Variants in RGS3 observed in about 807,000 individuals in gnomAD.
RGS3 encodes regulator of G protein signaling 3, also known as regulator of G-protein signalling 3.
A neutral mutation model predicts 132.6 loss-of-function variants in RGS3; 80 were observed. The ratio of observed to expected loss-of-function variants is 0.60; its 90% CI spans 0.50 to 0.73. RGS3 has a LOEUF of 0.73. Ranked by LOEUF, RGS3 falls within the 30% of genes least tolerant of loss-of-function variation. The pLI, the probability that RGS3 is intolerant of heterozygous loss-of-function variation, is 0.00. For missense variants in RGS3, 1,382 were observed against 1,530.8 expected, an observed-to-expected ratio of 0.90 and a Z score of 1.62; for synonymous variants, 598 against 620.6, an observed-to-expected ratio of 0.96 and a Z score of 0.54.
At chr9:113,493,039 G>A (rs1417652608) in intron 7 of RGS3, among the ~76,000 whole-genome samples, 1 of 152,236 alleles carries the variant, frequency 6.6e-6, no homozygotes, top group Non-Finnish European at 1.5e-5. Flanking sequence ...GGAAAGAAGT[G>A]TACAACAGAG....
At chr9:113,481,492 G>A (rs1471403063) in intron 4 of RGS3, among the ~76,000 whole-genome samples, 3 of 152,322 alleles carry the variant, frequency 2.0e-5, no homozygotes, top group South Asian at 4.1e-4. Flanking sequence ...GGCCATGGGG[G>A]GCCCAACGTG....
chr9:113,477,498 C>A (rs1307765535), intron 3 of RGS3, among the ~76,000 whole-genome samples: 1 of 152,132 alleles, frequency 6.6e-6, no homozygotes, highest in Non-Finnish European at 1.5e-5. Context: ...ATGAAGGGTT[C>A]TCCAAACCTG....
Position 113,579,822 on chromosome 9 carries a change from A to G in RGS3, c.2038-3628A>G, listed in dbSNP as rs1405991488. Among the ~76,000 whole-genome samples, 4 of 152,170 alleles carry G rather than the reference A, an allele frequency of 2.6e-5. No homozygotes were observed. The highest frequency in any genetic ancestry group is 7.2e-5 in the African/African-American group (3 of 41,432). ...GAATGCATGAATGTATGCGTGCCCC[A>G]GTCCTCCCTGCCATCCACACATCCT... On this transcript the variant is annotated intron_variant, in intron 19 of 24. Coordinates refer to ENST00000350696, the Ensembl canonical transcript of RGS3. The surrounding 1 kb of genome is among the most constrained non-coding windows in gnomAD (Gnocchi z 4.3).
At chr9:113,551,700 A>G (rs1285132357) in intron 19 of RGS3, among the ~76,000 whole-genome samples, 1 of 152,108 alleles carries the variant, frequency 6.6e-6, no homozygotes, top group East Asian at 1.9e-4. Flanking sequence ...AACAACAACA[A>G]CAACAAAAAT....
Position 113,591,533 on chromosome 9 carries a change from A to T in RGS3, c.3080+136A>T. On this transcript the variant is annotated intron_variant, in intron 21 of 24. Coordinates refer to ENST00000350696, the Ensembl canonical transcript of RGS3. This position sits in a 1 kb window ranked among gnomAD's most constrained non-coding sequence, Gnocchi z 4.4. ...ACAACCCCAGACAGACACCAAGGAA[A>T]AACTGGATCTTGGAACTTTGCAGTG... The T allele has an allele frequency of 2.6e-6, 2 of 773,080 alleles. No homozygotes were observed. The highest frequency in any genetic ancestry group is 4.4e-6 in the Non-Finnish European group (2 of 449,946). The allele number at this position is 773,080 out of a possible 1,614,324, so 47.9% of individuals were successfully genotyped here. A position where few individuals can be genotyped will look rare whatever the true frequency, so the allele number is the denominator to read the frequency against.
chr9:113,447,398 C>T (rs538266417), intron 1 of RGS3, among the ~76,000 whole-genome samples: 10 of 105,334 alleles, frequency 9.5e-5, no homozygotes, highest in Admixed American at 2.6e-4. Context: ...GAAATGTCTA[C>T]TTTATATTTT....
At chr9:113,541,459 A>G (rs749030450) in intron 19 of RGS3, 4 of 1,608,248 alleles carry the variant, frequency 2.5e-6, no homozygotes, top group Non-Finnish European at 3.4e-6. Flanking sequence ...TGCTTCTGGC[A>G]ACTTAACCCT....
chr9:113,445,193 TTTTTTTTG>T (rs1189663396), intron 1 of RGS3, among the ~76,000 whole-genome samples: 1 of 152,012 alleles, frequency 6.6e-6, no homozygotes, highest in Non-Finnish European at 1.5e-5. Flanking sequence ...TTTTTCTTTT[TTTTTTTTG>T]TTTTTTGTTT....
chr9:113,596,977 G>A (rs753550437), exon 25 of RGS3: 172 of 1,573,320 alleles, frequency 1.1e-4, no homozygotes, highest in Middle Eastern at 5.1e-4. Context: ...CGAGCTCAGC[G>A]TTCACACCAG....
At chr9:113,570,756 C>A (rs1834248143) in intron 19 of RGS3, among the ~76,000 whole-genome samples, 1 of 152,132 alleles carries the variant, frequency 6.6e-6, no homozygotes, top group African/African-American at 2.4e-5. Context: ...CCTGCCTCAG[C>A]CTCCTGAGTA....
intron 14 of RGS3, among the ~76,000 whole-genome samples, chr9:113,513,321 T>C (rs922590559): frequency 6.6e-6 from 1 of 152,222 alleles, no homozygotes; most frequent in African/African-American, 2.4e-5. Context: ...TTGCAGCCTC[T>C]GCTGTCCTTC....
chr9:113,544,130 A>G (rs1023083365), intron 19 of RGS3, among the ~76,000 whole-genome samples: 2 of 152,016 alleles, frequency 1.3e-5, no homozygotes, highest in South Asian at 2.1e-4. Context: ...GAAGCACACA[A>G]TGGCCTCTTT....
intron 23 of RGS3, 75 bp from the exon 22 acceptor site, chr9:113,595,524 A>G (rs1835721412): frequency 2.0e-6 from 3 of 1,525,034 alleles, no homozygotes; most frequent in Non-Finnish European, 2.7e-6. Flanking sequence ...AAAGTCCTGT[A>G]GGGGTAAGCT....
At chr9:113,564,594 C>T (rs927759687) in intron 19 of RGS3, among the ~76,000 whole-genome samples, 4 of 152,158 alleles carry the variant, frequency 2.6e-5, no homozygotes, top group Non-Finnish European at 4.4e-5. Context: ...TTCCACTGCC[C>T]CCGCAGTTCC....
At chr9:113,541,812 G>T in intron 19 of RGS3, 1 of 994,598 alleles carries the variant, frequency 1.0e-6, no homozygotes, top group South Asian at 4.6e-5. Flanking sequence ...ATCTGCTGCT[G>T]CCAGAGGACA....
At chr9:113,575,163 T>C (rs917417936) in intron 19 of RGS3, among the ~76,000 whole-genome samples, 11 of 152,072 alleles carry the variant, frequency 7.2e-5, no homozygotes, top group Non-Finnish European at 1.5e-4. Flanking sequence ...TGGTGGTGGG[T>C]CTCCAGCAGG....
At chr9:113,455,424 C>T (rs1277427135), upstream of RGS3, among the ~76,000 whole-genome samples, 1 of 152,188 alleles carries the variant, frequency 6.6e-6, no homozygotes, top group Non-Finnish European at 1.5e-5. Context: ...GAAAGGGCTT[C>T]CAGCCTAACT....
At chr9:113,594,046 T>C (rs777444050) in intron 21 of RGS3, 139 of 1,612,996 alleles carry the variant, frequency 8.6e-5, no homozygotes, top group Non-Finnish European at 1.1e-4. Flanking sequence ...GAAGGAATTT[T>C]TTTTTCCGCT....
At chr9:113,593,649 G>A (rs1474014576) in intron 21 of RGS3, 15 of 459,570 alleles carry the variant, frequency 3.3e-5, no homozygotes, top group Non-Finnish European at 3.1e-5. Flanking sequence ...GCTGGCAGGA[G>A]CCATTCTCTG....
Sources: gnomAD v4.1 joint callset for allele counts (sites outside exome capture counted in the v4.1 genomes callset) on GRCh38, gnomAD v4.1.1 for gene constraint, Gnocchi (gnomAD v3.1) non-coding constraint, MANE v1.5 for transcripts, NCBI Gene and HGNC (gene_info 2026-07-23, HGNC 2026-07-21) for gene names.